The following ARID1B variants were observed in gnomAD, a reference collection of about 807,000 sequenced individuals.
ARID1B encodes the protein AT-rich interaction domain 1B.
In ARID1B, 30 loss-of-function variants were observed where a neutral mutation model predicts 212.3. The observed-to-expected ratio is 0.14, with a 90% CI of 0.11 to 0.19. The LOEUF (loss-of-function observed/expected upper bound fraction) is 0.19. ARID1B is among the 10% of genes least tolerant of loss of function. The probability of loss-of-function intolerance (pLI) is 1.00; values close to 1 mark genes in which losing one functional copy is unlikely to be tolerated. For missense variants in ARID1B, 2,891 were observed against 3,204.0 expected (o/e 0.90, Z 2.36); for synonymous variants, 1,402 against 1,301.7 (o/e 1.08, Z -1.66).
intron 4 of ARID1B, chr6:157,023,667 A>G (rs1046069383): frequency 6.6e-6 from 1 of 152,226 alleles, no homozygotes; most frequent in South Asian, 2.1e-4. Flanking sequence ...GGATTTTAAA[A>G]TGTTAACCCA....
intron 4 of ARID1B, among the ~76,000 whole-genome samples, chr6:157,058,533 G>T (rs189314896): frequency 3.8e-4 from 58 of 152,292 alleles, no homozygotes; most frequent in African/African-American, 1.2e-3. Flanking sequence ...CCAAAGTGCT[G>T]GGATTACAGG....
Position 157,119,129 on chromosome 6 carries a change from C to T in ARID1B, c.2581+8568C>T, listed in dbSNP as rs572390118. On this transcript the variant is annotated intron_variant, in intron 6 of 19. Transcript: ENST00000636930. ...GTTTTTCTCCCCCGTCTGCCCCAAA[C>T]TAATTAGTCACCAAGTTCCACCAAC... is the stretch of plus-strand genomic sequence containing the variant. Among the ~76,000 whole-genome samples the T allele has an allele frequency of 3.3e-5, 5 of 152,278 alleles. No individual in the cohort carries two copies. The East Asian group carries it at 9.7e-4, about 29-fold the overall frequency.
At chr6:157,078,479 T>G (rs1784442139) in intron 4 of ARID1B, among the ~76,000 whole-genome samples, 1 of 152,218 alleles carries the variant, frequency 6.6e-6, no homozygotes, top group Non-Finnish European at 1.5e-5. Flanking sequence ...TCTACGTAAC[T>G]CCTGAGACTG....
chr6:157,017,087 C>T (rs180731519), intron 4 of ARID1B, among the ~76,000 whole-genome samples: 14 of 152,298 alleles, frequency 9.2e-5, no homozygotes, highest in African/African-American at 3.4e-4. Flanking sequence ...TGGTAAATTA[C>T]AAATGTAGTT....
At chr6:157,191,714 A>G (rs914408743) in intron 15 of ARID1B, among the ~76,000 whole-genome samples, 6 of 152,218 alleles carry the variant, frequency 3.9e-5, no homozygotes, top group Non-Finnish European at 5.9e-5. Context: ...CATTCTTCCA[A>G]GTGCATTCAA....
At chr6:157,172,090 G>A (rs946327576) in intron 9 of ARID1B, among the ~76,000 whole-genome samples, 2 of 152,190 alleles carry the variant, frequency 1.3e-5, no homozygotes, top group African/African-American at 4.8e-5. Context: ...CAACTAGCCA[G>A]GACATGTGGA....
chr6:157,193,812 C>G (rs1467032331), intron 15 of ARID1B: 1 of 152,178 alleles, frequency 6.6e-6, no homozygotes, highest in Non-Finnish European at 1.5e-5. Flanking sequence ...CATGACCAAA[C>G]CCAAAGGCAT....
intron 3 of ARID1B, among the ~76,000 whole-genome samples, chr6:156,923,769 A>G (rs1370893082): frequency 6.6e-6 from 1 of 151,218 alleles, no homozygotes; most frequent in Non-Finnish European, 1.5e-5. Flanking sequence ...CAGTGGTACA[A>G]TCTCGGCTCA....
At chr6:156,951,103 T>C (rs1793550989) in intron 4 of ARID1B, among the ~76,000 whole-genome samples, 1 of 152,172 alleles carries the variant, frequency 6.6e-6, no homozygotes, top group Admixed American at 6.5e-5. Flanking sequence ...TATAAATAAA[T>C]GGTTATTTTT....
chr6:157,059,181 TGAG>T (rs755195795), intron 4 of ARID1B, among the ~76,000 whole-genome samples: 8 of 152,074 alleles, frequency 5.3e-5, no homozygotes, highest in Admixed American at 1.3e-4. Flanking sequence ...TAGAATCAAA[TGAG>T]AAAATGTGAA....
chr6:156,901,075 G>A (rs1788889338), intron 2 of ARID1B, among the ~76,000 whole-genome samples: 1 of 152,022 alleles, frequency 6.6e-6, no homozygotes, highest in South Asian at 2.1e-4. Flanking sequence ...CTTAGTAGAG[G>A]CTATTTTTTA....
intron 2 of ARID1B, among the ~76,000 whole-genome samples, chr6:156,831,878 CT>C (rs1182431106): frequency 6.6e-6 from 1 of 152,184 alleles, no homozygotes; most frequent in Non-Finnish European, 1.5e-5. Flanking sequence ...AATAGTATAT[CT>C]GGTAAGAAAT....
intron 8 of ARID1B, among the ~76,000 whole-genome samples, chr6:157,158,307 A>G (rs1416541237): frequency 6.6e-6 from 1 of 152,222 alleles, no homozygotes; most frequent in African/African-American, 2.4e-5. Context: ...AACTCAGGAA[A>G]TCTCCAAGAA....
chr6:157,092,864 T>C (rs1028851945), intron 5 of ARID1B, among the ~76,000 whole-genome samples: 2 of 152,206 alleles, frequency 1.3e-5, no homozygotes, highest in Non-Finnish European at 2.9e-5. Context: ...CTCATGTGTT[T>C]TCATGGTGGG....
intron 1 of ARID1B, among the ~76,000 whole-genome samples, chr6:156,791,344 G>C (rs1172828876): frequency 6.6e-6 from 1 of 152,204 alleles, no homozygotes; most frequent in Non-Finnish European, 1.5e-5. Flanking sequence ...TGAAATAAAC[G>C]AGGTAATGTG....
At chr6:156,791,666 C>T (rs1780018292) in intron 1 of ARID1B, among the ~76,000 whole-genome samples, 1 of 152,176 alleles carries the variant, frequency 6.6e-6, no homozygotes, top group Non-Finnish European at 1.5e-5. Context: ...TCAAACGGAA[C>T]ACGGACAGAT....
At chr6:156,971,597 A>G (rs768575387) in intron 4 of ARID1B, among the ~76,000 whole-genome samples, 3 of 152,196 alleles carry the variant, frequency 2.0e-5, no homozygotes, top group Non-Finnish European at 4.4e-5. Flanking sequence ...CTGGGCAGGC[A>G]TACTGAATTC....
chr6:156,820,385 C>A (rs1197670379), intron 1 of ARID1B, among the ~76,000 whole-genome samples: 1 of 152,094 alleles, frequency 6.6e-6, no homozygotes. Flanking sequence ...TTATGCCAGG[C>A]ATTGTACTAA....
intron 2 of ARID1B, among the ~76,000 whole-genome samples, chr6:156,891,941 G>A (rs1296926285): frequency 1.4e-5 from 2 of 146,854 alleles, no homozygotes; most frequent in African/African-American, 2.5e-5. Flanking sequence ...GCGCAATTTC[G>A]GCTCACTGCA....
Sources: allele counts gnomAD v4.1 joint callset (sites outside exome capture counted in the v4.1 genomes callset), GRCh38; gene constraint gnomAD v4.1.1; transcripts MANE v1.5; gene names NCBI Gene and HGNC (gene_info 2026-07-23, HGNC 2026-07-21).